The following CHLSN variants were observed in gnomAD, a reference collection of about 807,000 sequenced individuals.
The protein encoded by CHLSN is cholesin.
the CHLSN span, among the ~76,000 whole-genome samples, chr7:992,032 T>A: frequency 6.6e-6 from 1 of 152,190 alleles, no homozygotes; most frequent in Non-Finnish European, 1.5e-5. Flanking sequence ...TCCTCACGCA[T>A]GGATTTCGGG....
chr7:1,015,091 T>C, the CHLSN span, among the ~76,000 whole-genome samples: 2 of 152,306 alleles, frequency 1.3e-5, no homozygotes, highest in East Asian at 3.9e-4. Context: ...CAGTGACCCC[T>C]GCCCAGTCTC....
At chr7:987,614 GTC>G in the CHLSN span, 1 of 1,311,806 alleles carries the variant, frequency 7.6e-7, no homozygotes, top group South Asian at 1.5e-5. Context: ...ACGGCTGAGC[GTC>G]TGGTGGGTGC....
chr7:1,063,503 T>C, the CHLSN span, among the ~76,000 whole-genome samples: 1 of 152,188 alleles, frequency 6.6e-6, no homozygotes, highest in African/African-American at 2.4e-5. Context: ...CTGACAAACA[T>C]GGGGACTGTT....
At chr7:1,051,011 G>A in the CHLSN span, among the ~76,000 whole-genome samples, 28 of 152,378 alleles carry the variant, frequency 1.8e-4, no homozygotes, top group Non-Finnish European at 4.0e-4. Context: ...CAGGCCAGCA[G>A]AGGCCTGGGT....
chr7:1,099,134 G>C, the CHLSN span, among the ~76,000 whole-genome samples: 1 of 136,758 alleles, frequency 7.3e-6, no homozygotes, highest in African/African-American at 2.8e-5. Flanking sequence ...CCTGCAGCCG[G>C]CCTCCCCTTC....
At chr7:1,033,969 A>C in the CHLSN span, among the ~76,000 whole-genome samples, 2 of 152,360 alleles carry the variant, frequency 1.3e-5, no homozygotes, top group East Asian at 3.9e-4. Context: ...GCCGGGGGCC[A>C]CAGGCAGGAA....
At chr7:1,043,874 C>T in the CHLSN span, 1 of 152,276 alleles carries the variant, frequency 6.6e-6, no homozygotes, top group Non-Finnish European at 1.5e-5. Context: ...CTGTGCAACC[C>T]ACATGCTTTG....
At chr7:1,008,230 C>A in the CHLSN span, among the ~76,000 whole-genome samples, 1 of 152,336 alleles carries the variant, frequency 6.6e-6, no homozygotes, top group East Asian at 1.9e-4. Context: ...TGTCCACCTG[C>A]TCTGCCCAGC....
the CHLSN span, chr7:1,022,857 C>A: frequency 3.4e-5 from 12 of 353,922 alleles, no homozygotes; most frequent in Admixed American, 4.4e-4. Flanking sequence ...CATCAGAAGA[C>A]CCACGCATAC....
chr7:1,110,894 C>G, the CHLSN span, among the ~76,000 whole-genome samples: 1 of 151,600 alleles, frequency 6.6e-6, no homozygotes, highest in Non-Finnish European at 1.5e-5. Context: ...AAATGACCAT[C>G]AACCGTAATC....
At chr7:1,040,531 C>T in the CHLSN span, among the ~76,000 whole-genome samples, 1 of 151,978 alleles carries the variant, frequency 6.6e-6, no homozygotes, top group African/African-American at 2.4e-5. Context: ...CAACCTAAAC[C>T]TCACAAAAAA....
chr7:1,028,643 G>A, the CHLSN span: 1 of 963,780 alleles, frequency 1.0e-6, no homozygotes, highest in Non-Finnish European at 1.2e-6. Context: ...ACTTGCCTCT[G>A]ACCGCCCCCA....
At chr7:1,023,250 G>C in the CHLSN span, among the ~76,000 whole-genome samples, 2 of 152,226 alleles carry the variant, frequency 1.3e-5, no homozygotes, top group East Asian at 1.9e-4. This position sits in a 1 kb window ranked among gnomAD's most constrained non-coding sequence, Gnocchi z 5.0. Flanking sequence ...CACGGGCTGA[G>C]CGCAAGTGAT....
chr7:1,070,940 T>C, the CHLSN span, among the ~76,000 whole-genome samples: 3 of 126,072 alleles, frequency 2.4e-5, no homozygotes, highest in East Asian at 6.6e-4. Context: ...CACGCACACA[T>C]GCACACACAC....
At chr7:1,065,851 G>A in the CHLSN span, among the ~76,000 whole-genome samples, 1 of 152,236 alleles carries the variant, frequency 6.6e-6, no homozygotes, top group African/African-American at 2.4e-5. Flanking sequence ...TCAAGTGCGG[G>A]CACTTTTAAT....
At chr7:1,128,704 T>C in the CHLSN span, among the ~76,000 whole-genome samples, 1 of 27,036 alleles carries the variant, frequency 3.7e-5, no homozygotes, top group Non-Finnish European at 6.2e-5. Flanking sequence ...CGGGCTGGAG[T>C]GCAGTGGCAC....
the CHLSN span, among the ~76,000 whole-genome samples, chr7:994,500 G>A: frequency 2.0e-5 from 3 of 152,006 alleles, no homozygotes; most frequent in Non-Finnish European, 1.5e-5. Flanking sequence ...GGCTCTTGCT[G>A]TGGTGTAATC....
At chr7:1,013,871 C>T in the CHLSN span, among the ~76,000 whole-genome samples, 4 of 152,202 alleles carry the variant, frequency 2.6e-5, no homozygotes, top group Non-Finnish European at 5.9e-5. Flanking sequence ...AAAATTCCAG[C>T]CACACATTCT....
chr7:1,123,713 A>G, the CHLSN span, among the ~76,000 whole-genome samples: 1 of 151,700 alleles, frequency 6.6e-6, no homozygotes, highest in Non-Finnish European at 1.5e-5. The surrounding 1 kb of genome is among the most constrained non-coding windows in gnomAD (Gnocchi z 4.4). Flanking sequence ...ATACAAGAAC[A>G]TGAGCCCCTG....
Sources: gnomAD v4.1 joint callset for allele counts (sites outside exome capture counted in the v4.1 genomes callset) on GRCh38, gnomAD v4.1.1 for gene constraint, Gnocchi (gnomAD v3.1) non-coding constraint, MANE v1.5 for transcripts, NCBI Gene and HGNC (gene_info 2026-07-23, HGNC 2026-07-21) for gene names.